The following PDE2A variants were observed in gnomAD, a reference collection of about 807,000 sequenced individuals.
The protein encoded by PDE2A is phosphodiesterase 2A.
A neutral mutation model predicts 133.6 loss-of-function variants in PDE2A; 53 were observed. That is an observed-to-expected ratio of 0.40 (90% CI 0.32 to 0.50). The LOEUF is 0.50. Ranked by LOEUF, PDE2A falls within the 20% of genes least tolerant of loss-of-function variation. PDE2A has a pLI of 0.73. For missense variants in PDE2A, 796 were observed against 1,232.4 expected, an observed-to-expected ratio of 0.65 and a Z score of 5.30; for synonymous variants, 491 against 490.2, an observed-to-expected ratio of 1.00 and a Z score of -0.02.
At chr11:72,635,957 C>G (rs1858665903) in intron 2 of PDE2A, 1 of 1,198,240 alleles carries the variant, frequency 8.3e-7, no homozygotes, top group African/African-American at 1.5e-5. Context: ...CCCTCCACAC[C>G]ACGAGATCTC....
At chr11:72,647,581 T>C (rs946871984) in intron 1 of PDE2A, among the ~76,000 whole-genome samples, 27 of 152,238 alleles carry the variant, frequency 1.8e-4, no homozygotes, top group African/African-American at 6.3e-4. Flanking sequence ...TGACCTGGGC[T>C]AGAGCCCATG....
rs115033528 is a variant in PDE2A at position 72,658,032 on chromosome 11, A to C, written c.72-15706T>G. 1,227 of 456,274 alleles carry C rather than the reference A, an allele frequency of 2.7e-3. 11 individuals carry two copies. The highest frequency in any genetic ancestry group is 0.022 in the African/African-American group (1,108 of 50,172). The allele number at this position is 456,274 out of a possible 1,614,324, so 28.3% of individuals were successfully genotyped here. On this transcript the variant is annotated intron_variant, in intron 1 of 30. Transcript: ENST00000334456. ...TGCCTTCTCCTGGCAGGCATGTACC[A>C]GGCATCTTTAAAATGTAACTCATTT... is the stretch of plus-strand genomic sequence containing the variant.
rs201434941 is a variant in PDE2A, at chr11:72,605,162, T to A, written c.299A>T (p.Glu100Val). Residue 100 changes from glutamate to valine, a missense_variant, in exon 4 of 31, where the codon GAG becomes GTG. Physicochemically the swap from Glu to Val is moderately radical, Grantham distance 121. Around this residue, in one of 7 missense-constraint regions of PDE2A, gnomAD observed 417 missense variants for 475.3 expected, o/e 0.88. Transcript: ENST00000334456. Reference protein sequence around the residue: ...SQLVCEDPPHELPQEGKVREA... With the variant: ...SQLVCEDPPHVLPQEGKVREA... Reference sequence around the variant, plus strand: ...CCGGACTTTCCCCTCCTGGGGCAGCTCATGTGGGGGGTCCTCACACACCAG... The same window carrying A: ...CCGGACTTTCCCCTCCTGGGGCAGCACATGTGGGGGGTCCTCACACACCAG... The A allele has an allele frequency of 2.5e-6, 4 of 1,609,954 alleles. No homozygotes were observed. In the East Asian group the frequency reaches 8.9e-5, roughly 36 times the overall value.
intron 1 of PDE2A, among the ~76,000 whole-genome samples, chr11:72,664,816 C>T (rs952587721): frequency 2.0e-5 from 3 of 151,810 alleles, no homozygotes; most frequent in Non-Finnish European, 2.9e-5. Flanking sequence ...TTGTTTGTTT[C>T]TTTGTTTGAG....
At chr11:72,589,279 C>T (rs767426365) in intron 11 of PDE2A, 39 bp from the exon 12 acceptor site, 19 of 1,500,432 alleles carry the variant, frequency 1.3e-5, no homozygotes, top group Non-Finnish European at 1.8e-5. Flanking sequence ...GCCCAGTACT[C>T]CCCAGGTCAG....
chr11:72,579,513 C>G, intron 26 of PDE2A, 21 bp downstream of exon 26: 1 of 1,437,822 alleles, frequency 7.0e-7, no homozygotes. Context: ...TCAATCCCCA[C>G]CCCACCCCCA....
Position 72,588,594 on chromosome 11 carries a change from A to G in PDE2A, c.1070+190T>C, listed in dbSNP as rs116742744. 4.9e-3 allele frequency among the ~76,000 whole-genome samples: 753 copies of G among 152,362 alleles called. 3 individuals are homozygous for G. Among genetic ancestry groups the G allele is most frequent in the African/African-American group, 0.017 (721 of 41,592 alleles). On this transcript the variant is annotated intron_variant, in intron 13 of 30. Transcript: ENST00000334456. Reference sequence around the variant, plus strand: ...GCAGATTACCCAAACTTCAGGAAGCAGGAGAAGAGAAGAGGAACTAGCTTG... The same window carrying G: ...GCAGATTACCCAAACTTCAGGAAGCGGGAGAAGAGAAGAGGAACTAGCTTG...
At chr11:72,644,826 A>G (rs1050872734) in intron 1 of PDE2A, among the ~76,000 whole-genome samples, 3 of 152,106 alleles carry the variant, frequency 2.0e-5, no homozygotes, top group Non-Finnish European at 4.4e-5. Flanking sequence ...GCGCGATCTC[A>G]GCTCACTGCA....
At position 72,585,961 on chromosome 11, in the gene PDE2A, A is replaced by G. The variant is rs1009685852; in HGVS notation, c.1182+109T>C. ...ATGAGGTTATGGAGCCACCTGGGGA[A>G]GGGCTGCCACCAGTCCAGAAAGACA... On this transcript the variant is annotated intron_variant, in intron 14 of 30. Transcript: ENST00000334456. 30 of 720,392 alleles carry G rather than the reference A, an allele frequency of 4.2e-5. No individual in the cohort carries two copies. The African/African-American group carries it at 5.1e-4, about 12-fold the overall frequency. 44.6% of individuals were successfully genotyped at this position (720,392 alleles called of 1,614,324 possible).
chr11:72,630,299 T>C (rs1226298700), intron 2 of PDE2A, among the ~76,000 whole-genome samples: 1 of 151,788 alleles, frequency 6.6e-6, no homozygotes, highest in Non-Finnish European at 1.5e-5. Flanking sequence ...CAGAGTCACG[T>C]GATGGAGAAA....
At chr11:72,579,945 C>T (rs1196202771) in intron 25 of PDE2A, 2 of 281,480 alleles carry the variant, frequency 7.1e-6, no homozygotes, top group East Asian at 6.4e-5. Flanking sequence ...CATTTGTTTG[C>T]TGACAAGGAG....
intron 2 of PDE2A, among the ~76,000 whole-genome samples, chr11:72,630,458 G>C (rs867803762): frequency 6.6e-6 from 1 of 151,894 alleles, no homozygotes; most frequent in African/African-American, 2.4e-5. Context: ...AGGAAAGGAG[G>C]CTAGAGCTGA....
chr11:72,621,195 T>C (rs1197157851), intron 2 of PDE2A, among the ~76,000 whole-genome samples: 1 of 152,186 alleles, frequency 6.6e-6, no homozygotes, highest in African/African-American at 2.4e-5. Flanking sequence ...AACATCCTGC[T>C]GAAGTGCCCA....
intron 1 of PDE2A, chr11:72,668,437 A>G (rs1261504925): frequency 4.2e-6 from 3 of 716,756 alleles, no homozygotes. Flanking sequence ...CTGTGTGAAC[A>G]TGTGAGAAGT....
rs1300475000 is a variant in PDE2A at position 72,642,328 on chromosome 11, T to G, written c.72-2A>C. The G allele has an allele frequency of 6.5e-7, 1 of 1,539,686 alleles. No individual in the cohort carries two copies. The highest frequency in any genetic ancestry group is 1.7e-4 in the Middle Eastern group (1 of 5,848). On this transcript the variant is annotated splice_acceptor_variant, in intron 1 of 30. Coordinates refer to ENST00000334456, the MANE Select transcript of PDE2A (RefSeq NM_002599.5). LOFTEE classifies it high-confidence loss of function. ...TTGAGGAAGACCTGCTGGCCCCGCC[T>G]GAGGAATTGGACAACAGCGATGAGG...
chr11:72,667,909 A>G (rs1178784040), intron 1 of PDE2A, among the ~76,000 whole-genome samples: 1 of 150,150 alleles, frequency 6.7e-6, no homozygotes, highest in Admixed American at 6.7e-5. Flanking sequence ...GATGAAGGAG[A>G]GGAGAAGGAA....
chr11:72,584,589 C>A lies in PDE2A; in HGVS notation c.1499G>T (p.Arg500Leu). ...CTTGATGGGGAAGCAGAGGATGTTGCGCGTGCGGAAGCCGGTGCTGTCGTC... is the reference window on the plus strand; with the variant it reads ...CTTGATGGGGAAGCAGAGGATGTTGAGCGTGCGGAAGCCGGTGCTGTCGTC... ...GVDDSTGFRT[R>L]NILCFPIKNE... is the part of the protein sequence containing the mutation. Residue 500 changes from arginine to leucine, a missense_variant, in exon 18 of 31, where the codon CGC becomes CTC. Physicochemically the swap from Arg to Leu is moderately radical, Grantham distance 102 (BLOSUM62 -2). Coordinates refer to ENST00000334456, the MANE Select transcript of PDE2A (RefSeq NM_002599.5). The A allele has an allele frequency of 1.2e-6, 2 of 1,612,124 alleles. No individual in the cohort carries two copies. The highest frequency in any genetic ancestry group is 8.5e-7 in the Non-Finnish European group (1 of 1,179,888).
In PDE2A at chr11:72,621,501, G is replaced by C. The variant is rs114606361; in HGVS notation, c.145-12750C>G. 4.2e-3 allele frequency among the ~76,000 whole-genome samples: 640 copies of C among 152,324 alleles called. 3 individuals carry two copies. The highest frequency in any genetic ancestry group is 0.015 in the African/African-American group (611 of 41,568). Reference sequence around the variant, plus strand: ...TGACACCTGTGGCCTTCACACAGCAGGTCCCACCTGCTCGGTGACACACAG... The same window carrying C: ...TGACACCTGTGGCCTTCACACAGCACGTCCCACCTGCTCGGTGACACACAG... On this transcript the variant is annotated intron_variant, in intron 2 of 30. Transcript: ENST00000334456.
chr11:72,593,853 C>T (rs1030587381), intron 6 of PDE2A, among the ~76,000 whole-genome samples: 1 of 152,358 alleles, frequency 6.6e-6, no homozygotes, highest in African/African-American at 2.4e-5. Flanking sequence ...AGGACTCCCT[C>T]GAGGGGTTTC....
Sources: allele counts gnomAD v4.1 joint callset (sites outside exome capture counted in the v4.1 genomes callset), GRCh38; gene constraint gnomAD v4.1.1; regional missense constraint gnomAD v4.1.1; transcripts MANE v1.5; gene names NCBI Gene and HGNC (gene_info 2026-07-23, HGNC 2026-07-21).